The following LIMCH1 variants were observed in gnomAD, a reference collection of about 807,000 sequenced individuals.
LIMCH1 encodes the protein LIM and calponin homology domains-containing protein 1.
LIMCH1 carries 113 observed loss-of-function variants against 176.5 expected under a neutral mutation model. The ratio of observed to expected loss-of-function variants is 0.64; its 90% CI spans 0.55 to 0.75. LIMCH1 has a LOEUF of 0.75. Ranked by LOEUF, LIMCH1 falls within the 30% of genes least tolerant of loss-of-function variation. The pLI, the probability that LIMCH1 is intolerant of heterozygous loss-of-function variation, is 0.00. For synonymous variants in LIMCH1, 619 were observed against 645.9 expected (o/e 0.96, Z 0.63); for missense variants, 1,674 against 1,814.9 (o/e 0.92, Z 1.41).
intron 1 of LIMCH1, among the ~76,000 whole-genome samples, chr4:41,545,403 G>A (rs981486577): frequency 2.6e-5 from 4 of 152,164 alleles, no homozygotes; most frequent in Non-Finnish European, 4.4e-5. Context: ...GAAAGGACTT[G>A]AGTGTTTTTT....
intron 1 of LIMCH1, among the ~76,000 whole-genome samples, chr4:41,396,989 C>T (rs2057871967): frequency 6.6e-6 from 1 of 152,142 alleles, no homozygotes; most frequent in African/African-American, 2.4e-5. Context: ...TTCCCTGACA[C>T]CCAGTCCACC....
intron 1 of LIMCH1, among the ~76,000 whole-genome samples, chr4:41,427,069 T>C (rs754193531): frequency 6.6e-5 from 10 of 152,202 alleles, no homozygotes; most frequent in Non-Finnish European, 1.3e-4. Context: ...CAAAGAATGA[T>C]TGATCATTGG....
At chr4:41,532,287 G>A (rs938051869) in intron 3 of LIMCH1, among the ~76,000 whole-genome samples, 1 of 152,166 alleles carries the variant, frequency 6.6e-6, no homozygotes, top group East Asian at 1.9e-4. Flanking sequence ...TGGCTTGTGT[G>A]CTGCTGTTTG....
chr4:41,519,498 A>T (rs925319587), intron 2 of LIMCH1, among the ~76,000 whole-genome samples: 1 of 152,190 alleles, frequency 6.6e-6, no homozygotes, highest in Non-Finnish European at 1.5e-5. Flanking sequence ...ATAATTAAGG[A>T]TTATCCAAGA....
chr4:41,599,157 A>C (rs2089467322), intron 2 of LIMCH1, 131 bp downstream of exon 2: 1 of 595,922 alleles, frequency 1.7e-6, no homozygotes, highest in Non-Finnish European at 3.0e-6. Context: ...GAAGGTAAAA[A>C]TCAACTTTCA....
chr4:41,680,028 A>G lies in LIMCH1; in HGVS notation c.3542A>G (p.Asp1181Gly), dbSNP rs1714390359. 1 of 1,610,376 alleles carries G rather than the reference A, an allele frequency of 6.2e-7. No individual in the cohort carries two copies. Among genetic ancestry groups the G allele is most frequent in the South Asian group, 1.1e-5 (1 of 89,936 alleles). The change falls in exon 24 of 32, where the codon GAC (aspartate) becomes GGC (glycine). Residue 1181 changes from aspartate (D) to glycine (G), a missense_variant. Asp to Gly is a moderately conservative substitution (Grantham distance 94). Transcript: ENST00000503057. ...LLQERYQKEQ[D>G]KLKEEWEKAQ... is the part of the protein sequence containing the mutation. Reference sequence around the variant, plus strand: ...CAGGAGAGATACCAGAAGGAGCAGGACAAGCTGAAAGAAGAGTGGGAAAAG... The same window carrying G: ...CAGGAGAGATACCAGAAGGAGCAGGGCAAGCTGAAAGAAGAGTGGGAAAAG...
At chr4:41,619,002 C>T (rs1404298061) in intron 5 of LIMCH1, among the ~76,000 whole-genome samples, 186 bp from the exon 6 acceptor site, 1 of 151,858 alleles carries the variant, frequency 6.6e-6, no homozygotes, top group African/African-American at 2.4e-5. Context: ...TGATTTTTTT[C>T]CTTCTTTTCC....
chr4:41,422,641 T>G (rs1339621051), intron 1 of LIMCH1, among the ~76,000 whole-genome samples: 1 of 152,242 alleles, frequency 6.6e-6, no homozygotes, highest in Non-Finnish European at 1.5e-5. Flanking sequence ...TCAAAGGTAG[T>G]GCAAGAAAAT....
At chr4:41,677,918 A>G (rs549354523) in intron 23 of LIMCH1, among the ~76,000 whole-genome samples, 1 of 152,302 alleles carries the variant, frequency 6.6e-6, no homozygotes, top group African/African-American at 2.4e-5. Context: ...GTAGAAAGCA[A>G]TGCTTTTTTT....
intron 1 of LIMCH1, among the ~76,000 whole-genome samples, chr4:41,380,497 G>A (rs2055492215): frequency 1.3e-5 from 2 of 150,590 alleles, no homozygotes; most frequent in Non-Finnish European, 3.0e-5. Flanking sequence ...TTTTAGATAA[G>A]CATGTAATAA....
intron 14 of LIMCH1, among the ~76,000 whole-genome samples, chr4:41,641,470 A>G (rs914892504): frequency 3.3e-5 from 5 of 152,188 alleles, no homozygotes; most frequent in African/African-American, 1.2e-4. Flanking sequence ...TTAAAAAAAA[A>G]AAATCTTGAG....
rs762597267 is a variant in LIMCH1 at position 41,424,707 on chromosome 4, G to C, written c.96+63771G>C. Among the ~76,000 whole-genome samples the C allele has an allele frequency of 1.2e-4, 19 of 152,214 alleles. No individual in the cohort carries two copies. In the South Asian group the frequency reaches 1.7e-3, roughly 13 times the overall value. The stretch of plus-strand genomic sequence containing the variant: ...GTTTTCACCAAGCTTGCATACTTTT[G>C]GGTTTCAGAACTTGGGGTTTTGGAA... On this transcript the variant is annotated intron_variant, in intron 1 of 26. Coordinates refer to the LIMCH1 transcript ENST00000313860.
chr4:41,403,685 C>T (rs1375865298), intron 1 of LIMCH1, among the ~76,000 whole-genome samples: 2 of 152,204 alleles, frequency 1.3e-5, no homozygotes. Flanking sequence ...CTGCATTGAT[C>T]TTGCATTTTT....
intron 1 of LIMCH1, among the ~76,000 whole-genome samples, chr4:41,448,348 T>C (rs2063492743): frequency 6.6e-6 from 1 of 152,162 alleles, no homozygotes; most frequent in South Asian, 2.1e-4. Flanking sequence ...GATGTCTGAT[T>C]GAGAAGGCTC....
chr4:41,610,656 T>C (rs2091311321), intron 4 of LIMCH1, among the ~76,000 whole-genome samples: 1 of 152,182 alleles, frequency 6.6e-6, no homozygotes, highest in South Asian at 2.1e-4. Flanking sequence ...ACAGGCGTTA[T>C]TATTAGTCCC....
At chr4:41,574,902 G>A (rs1196502989) in intron 1 of LIMCH1, among the ~76,000 whole-genome samples, 1 of 152,200 alleles carries the variant, frequency 6.6e-6, no homozygotes, top group Admixed American at 6.5e-5. Flanking sequence ...TTCCTCATCT[G>A]TCAGTTAGGA....
chr4:41,486,584 C>A (rs2069579202), intron 1 of LIMCH1, among the ~76,000 whole-genome samples: 1 of 152,088 alleles, frequency 6.6e-6, no homozygotes, highest in Non-Finnish European at 1.5e-5. Flanking sequence ...CAGGCCATCC[C>A]AAATCCTGAC....
intron 1 of LIMCH1, among the ~76,000 whole-genome samples, chr4:41,573,845 TA>T (rs1205380867): frequency 6.6e-6 from 1 of 152,158 alleles, no homozygotes; most frequent in Non-Finnish European, 1.5e-5. Context: ...ATGTGTAAAG[TA>T]TTATAAGGGA....
At chr4:41,404,322 A>G (rs534528737) in intron 1 of LIMCH1, among the ~76,000 whole-genome samples, 34 of 151,938 alleles carry the variant, frequency 2.2e-4, no homozygotes, top group Non-Finnish European at 4.7e-4. Context: ...GGGAAGAGCC[A>G]TCAGACTTTG....
Sources: allele counts gnomAD v4.1 joint callset (sites outside exome capture counted in the v4.1 genomes callset), GRCh38; gene constraint gnomAD v4.1.1; transcripts MANE v1.5; gene names NCBI Gene and HGNC (gene_info 2026-07-23, HGNC 2026-07-21).